WDR36: variants seen among roughly 807,000 people sequenced by gnomAD.
The protein encoded by WDR36 is WD repeat domain 36, also known as WD repeat-containing protein 36.
In WDR36, 63 loss-of-function variants were observed where a neutral mutation model predicts 112.7. The observed-to-expected ratio is 0.56, with a 90% confidence interval of 0.46 to 0.69. The LOEUF (loss-of-function observed/expected upper bound fraction) is 0.69. Among genes scored for constraint, WDR36 ranks in the 30% least tolerant of loss-of-function variants. The pLI is 0.00. For missense variants in WDR36, 1,226 were observed against 1,070.3 expected (o/e 1.15, Z -2.03); for synonymous variants, 410 against 362.2 (o/e 1.13, Z -1.50).
Position 111,092,482 on chromosome 5 carries a change from C to A in WDR36, c.26C>A (p.Thr9Lys), listed in dbSNP as rs202177498. 3.2e-4 allele frequency: 509 copies of A among 1,614,102 alleles called. No individual in the cohort carries two copies. The highest frequency in any genetic ancestry group is 3.8e-4 in the Non-Finnish European group (453 of 1,180,058). The change falls in exon 1 of 23, where the codon ACG becomes AAG. Residue 9 changes from threonine (T) to lysine (K), a missense_variant. By Grantham distance (78) the Thr-to-Lys change is moderately conservative. Transcript: ENST00000513710. ...ATGGAACGGGCCTCAGAAAGGCGCA[C>A]GGCCAGCGCGCTTTTTGCGGGGTTC... MERASERR[T>K]ASALFAGFRA...
intron 7 of WDR36, 87 bp from the exon 8 acceptor site, chr5:111,104,090 A>G (rs1753173283): frequency 2.1e-6 from 3 of 1,430,946 alleles, no homozygotes; most frequent in East Asian, 4.9e-5. Context: ...TTCTAACTTT[A>G]TGGATTAAAA....
intron 21 of WDR36, among the ~76,000 whole-genome samples, chr5:111,124,679 T>C (rs1332253920): frequency 6.6e-6 from 1 of 152,178 alleles, no homozygotes; most frequent in Non-Finnish European, 1.5e-5. Context: ...GGCTACAGTC[T>C]GTAGCTAATA....
chr5:111,108,509 A>G (rs1233168520), intron 12 of WDR36, among the ~76,000 whole-genome samples: 1 of 151,302 alleles, frequency 6.6e-6, no homozygotes, highest in Non-Finnish European at 1.5e-5. Context: ...TTAAGCTTTT[A>G]TATAATTTTC....
intron 2 of WDR36, among the ~76,000 whole-genome samples, chr5:111,096,626 C>A (rs1306274786): frequency 2.6e-5 from 4 of 151,964 alleles, no homozygotes; most frequent in Non-Finnish European, 5.9e-5. Flanking sequence ...ATCAGTTAAA[C>A]CTGGGAGGCG....
intron 10 of WDR36, 61 bp from the exon 11 acceptor site, chr5:111,105,996 T>C (rs2112573940): frequency 7.7e-7 from 1 of 1,304,938 alleles, no homozygotes; most frequent in Non-Finnish European, 1.1e-6. Flanking sequence ...TTTTCTTTTA[T>C]ATACACTTTT....
At chr5:111,122,815 TC>T (rs1240647856) in intron 19 of WDR36, among the ~76,000 whole-genome samples, 1 of 152,186 alleles carries the variant, frequency 6.6e-6, no homozygotes, top group African/African-American at 2.4e-5. Context: ...GAAACGCTCT[TC>T]CATCAAATGT....
chr5:111,119,995 C>G (rs1753531399), intron 17 of WDR36, among the ~76,000 whole-genome samples: 1 of 152,076 alleles, frequency 6.6e-6, no homozygotes, highest in East Asian at 1.9e-4. Context: ...AACCTGTCCC[C>G]TAAAAGACCG....
rs543212219 is a variant in WDR36 at position 111,129,871 on chromosome 5, T to C, written c.*2988T>C. ...GTAGTTAACATGTAGATCTTTAGAATTGATTTTTCTGAAGAGTGAAACAGC... is the reference window on the plus strand; with the variant it reads ...GTAGTTAACATGTAGATCTTTAGAACTGATTTTTCTGAAGAGTGAAACAGC... On this transcript the variant is annotated 3_prime_UTR_variant, in exon 23 of 23. Transcript: ENST00000513710. 6.3e-4 allele frequency: 131 copies of C among 208,586 alleles called. No homozygotes were observed. The highest frequency in any genetic ancestry group is 5.3e-3 in the East Asian group (72 of 13,656). The allele number at this position is 208,586 out of a possible 1,614,324, so 12.9% of individuals were successfully genotyped here.
Position 111,110,824 on chromosome 5 carries a change from G to A in WDR36, c.1478G>A (p.Gly493Glu), listed in dbSNP as rs757980584. The A allele has an allele frequency of 6.2e-7, 1 of 1,611,406 alleles. No individual in the cohort carries two copies. The change falls in exon 14 of 23, where the codon GGA becomes GAA. Residue 493 changes from glycine to glutamate, a missense_variant. Coordinates refer to ENST00000513710, the MANE Select transcript of WDR36 (RefSeq NM_139281.3). ...TCTGTTAGAGGTGTCGCAGTGGATG[G>A]ATTAAACCAGTTGACAGTTACAACT... The part of the protein sequence containing the change: ...KGSVRGVAVD[G>E]LNQLTVTTGS...
At chr5:111,109,018 C>T (rs1753273105) in intron 12 of WDR36, among the ~76,000 whole-genome samples, 1 of 151,176 alleles carries the variant, frequency 6.6e-6, no homozygotes, top group Non-Finnish European at 1.5e-5. Context: ...TCAAAGATAA[C>T]ATTCACGGTT....
Position 111,097,060 on chromosome 5 carries a change from A to T in WDR36, c.191-19A>T, listed in dbSNP as rs1561700812. The T allele has an allele frequency of 6.3e-7, 1 of 1,587,044 alleles. No homozygotes were observed. Among genetic ancestry groups the T allele is most frequent in the Non-Finnish European group, 8.7e-7 (1 of 1,155,902 alleles). On this transcript the variant is annotated intron_variant, in intron 2 of 22. Transcript: ENST00000513710. ...CATCTTAAAAATCCCTGTTTCTTTC[A>T]TTTTGTATTTTCTGCTAGGTAATTC... is the stretch of plus-strand genomic sequence containing the variant.
At chr5:111,098,267 C>CT in intron 3 of WDR36, among the ~76,000 whole-genome samples, 1 of 152,256 alleles carries the variant, frequency 6.6e-6, no homozygotes, top group South Asian at 2.1e-4. Flanking sequence ...GTAAGGATCT[C>CT]TGTCAAAGCA....
chr5:111,100,059 G>A (rs1056165913), intron 4 of WDR36, among the ~76,000 whole-genome samples: 3 of 149,596 alleles, frequency 2.0e-5, no homozygotes, highest in Admixed American at 6.7e-5. Flanking sequence ...AGGGTTATAC[G>A]TTTTTTTTTT....
rs148536012 is a variant in WDR36 at position 111,111,186 on chromosome 5, G to T, written c.1624G>T (p.Ala542Ser). 3 of 1,611,596 alleles carry T rather than the reference G, an allele frequency of 1.9e-6. No individual in the cohort carries two copies. The highest frequency in any genetic ancestry group is 2.2e-5 in the East Asian group (1 of 44,818). ...LHRDSGILGL[A>S]LDDFSISVLD... ...TCTTGCTAGTGGCATTCTGGGACTCGCCTTGGATGACTTCTCCATTAGTGT... is the reference window on the plus strand; with the variant it reads ...TCTTGCTAGTGGCATTCTGGGACTCTCCTTGGATGACTTCTCCATTAGTGT... Residue 542 changes from alanine (A) to serine (S), a missense_variant, in exon 15 of 23, where the codon GCC becomes TCC. Transcript: ENST00000513710.
At position 111,100,609 on chromosome 5, in the gene WDR36, T is replaced by G. The variant is rs1257403732; in HGVS notation, c.430T>G (p.Phe144Val). ...TGTAGAAGAATACCTGCAGTTGACT[T>G]TTGATAAATCAGTATTTAAAATTTC... ...YSEEEYLQLT[F>V]DKSVFKISAI... The change falls in exon 5 of 23, where the codon TTT (phenylalanine) becomes GTT (valine). Residue 144 changes from phenylalanine to valine, a missense_variant. Phe to Val is a conservative substitution (Grantham distance 50). Transcript: ENST00000513710. 1.3e-6 allele frequency: 2 copies of G among 1,586,346 alleles called. No homozygotes were observed. Among genetic ancestry groups the G allele is most frequent in the East Asian group, 2.3e-5 (1 of 44,032 alleles).
chr5:111,098,878 G>T (rs367792914), intron 4 of WDR36, 39 bp downstream of exon 4: 1 of 1,344,052 alleles, frequency 7.4e-7, no homozygotes, highest in Admixed American at 1.7e-5. Flanking sequence ...TCTTAGGGTA[G>T]TATGTGTTTA....
At chr5:111,120,955 A>G (rs1479776750) in intron 18 of WDR36, 41 bp from the exon 19 acceptor site, 2 of 1,545,750 alleles carry the variant, frequency 1.3e-6, no homozygotes, top group Non-Finnish European at 1.8e-6. Context: ...TTGCTTTTAT[A>G]TGATAAAAAT....
Position 111,097,128 on chromosome 5 carries a change from A to G in WDR36, c.240A>G (p.Leu80=). 6.2e-7 allele frequency: 1 copy of G among 1,613,836 alleles called. No homozygotes were observed. Among genetic ancestry groups the G allele is most frequent in the South Asian group, 1.1e-5 (1 of 91,076 alleles). The change falls in exon 3 of 23, where the codon TTA becomes TTG. Residue 80 remains leucine (L), a synonymous_variant. Transcript: ENST00000513710. The part of the protein sequence containing the change: ...DICCMAADGR[L]VFAAYGNVFS... ...GCTGTATGGCAGCTGATGGCAGATT[A>G]GTCTTTGCTGCTTATGGAAATGTTT... is the stretch of plus-strand genomic sequence containing the variant.
chr5:111,096,735 G>A (rs1004480807), intron 2 of WDR36, among the ~76,000 whole-genome samples: 3 of 151,894 alleles, frequency 2.0e-5, no homozygotes, highest in South Asian at 2.1e-4. Context: ...AGATGTTCAC[G>A]TGAAGACTGG....
Sources: gnomAD v4.1 joint callset for allele counts (sites outside exome capture counted in the v4.1 genomes callset) on GRCh38, gnomAD v4.1.1 for gene constraint, MANE v1.5 for transcripts, NCBI Gene and HGNC (gene_info 2026-07-23, HGNC 2026-07-21) for gene names.